ZNRF3: variants seen among roughly 807,000 people sequenced by gnomAD.
ZNRF3 encodes the protein E3 ubiquitin-protein ligase ZNRF3.
A neutral mutation model predicts 72.5 loss-of-function variants in ZNRF3; 23 were observed. The ratio of observed to expected loss-of-function variants is 0.32; its 90% CI spans 0.23 to 0.45. The LOEUF is 0.45. Ranked by LOEUF, ZNRF3 falls within the 20% of genes least tolerant of loss-of-function variation. The pLI, the probability that ZNRF3 is intolerant of heterozygous loss-of-function variation, is 1.00. For synonymous variants in ZNRF3, 610 were observed against 545.3 expected (o/e 1.12, Z -1.65); for missense variants, 1,169 against 1,272.1 (o/e 0.92, Z 1.23).
intron 1 of ZNRF3, among the ~76,000 whole-genome samples, chr22:28,982,086 G>A (rs1020070417): frequency 1.3e-4 from 20 of 152,268 alleles, no homozygotes; most frequent in African/African-American, 4.6e-4. Flanking sequence ...GCTCCCATGC[G>A]TGTTTCTTCT....
At chr22:28,981,812 C>T (rs528139766) in intron 1 of ZNRF3, among the ~76,000 whole-genome samples, 1 of 152,284 alleles carries the variant, frequency 6.6e-6, no homozygotes, top group Non-Finnish European at 1.5e-5. Flanking sequence ...GCCTGGCCAA[C>T]ATGGTGAAAC....
At chr22:28,965,174 T>G (rs577162611) in intron 1 of ZNRF3, among the ~76,000 whole-genome samples, 3 of 152,212 alleles carry the variant, frequency 2.0e-5, no homozygotes, top group African/African-American at 7.2e-5. Flanking sequence ...TCTTTCCATC[T>G]TTGTTGCATC....
At chr22:28,978,358 C>T (rs955272931) in intron 1 of ZNRF3, among the ~76,000 whole-genome samples, 7 of 152,084 alleles carry the variant, frequency 4.6e-5, no homozygotes, top group African/African-American at 1.4e-4. Context: ...TTTTTGGTTG[C>T]GAAGGGTGGT....
chr22:29,009,453 C>G (rs75698199), intron 2 of ZNRF3, among the ~76,000 whole-genome samples: 17 of 151,800 alleles, frequency 1.1e-4, no homozygotes, highest in Non-Finnish European at 2.5e-4. Context: ...AAAATAAATT[C>G]AAAAAAAGAG....
intron 1 of ZNRF3, among the ~76,000 whole-genome samples, chr22:28,896,928 T>G (rs1012955279): frequency 4.6e-5 from 7 of 152,016 alleles, no homozygotes; most frequent in Admixed American, 3.9e-4. Flanking sequence ...TCTCTTTTGG[T>G]TTTTCTTTTT....
At chr22:28,910,092 GT>G (rs2034289220) in intron 1 of ZNRF3, among the ~76,000 whole-genome samples, 1 of 151,444 alleles carries the variant, frequency 6.6e-6, no homozygotes, top group Admixed American at 6.6e-5. Context: ...CTGAGATGCA[GT>G]GGTGCAATCT....
chr22:28,966,889 T>TTG (rs1555975724), intron 1 of ZNRF3, among the ~76,000 whole-genome samples: 1 of 147,414 alleles, frequency 6.8e-6, no homozygotes, highest in African/African-American at 2.5e-5. Context: ...TTTTTTTTTT[T>TTG]GAGATGGAGT....
intron 1 of ZNRF3, among the ~76,000 whole-genome samples, chr22:28,984,713 A>G (rs2035823221): frequency 6.6e-6 from 1 of 152,170 alleles, no homozygotes; most frequent in African/African-American, 2.4e-5. Context: ...TGAGCTGTTG[A>G]CATAATTGGC....
intron 1 of ZNRF3, among the ~76,000 whole-genome samples, chr22:28,964,132 G>A (rs73882416): frequency 0.01 from 1,573 of 152,214 alleles, 28 homozygotes; most frequent in African/African-American, 0.037. Flanking sequence ...GGATGGACAG[G>A]TTTTTTCAGT....
rs551693347 is a variant in ZNRF3, at chr22:28,946,011, C to T, written c.301-41065C>T. On this transcript the variant is annotated intron_variant, in intron 1 of 8. Coordinates refer to ENST00000544604, the MANE Select transcript of ZNRF3 (RefSeq NM_001206998.2). ...ATCTGAAAATCTGAAATTTGAAATG[C>T]TTCAAAATCTGAAACTGTTTGAGTG... 3.3e-5 allele frequency among the ~76,000 whole-genome samples: 5 copies of T among 152,182 alleles called. 1 individual carries two copies. Among genetic ancestry groups the T allele is most frequent in the Admixed American group, 2.6e-4 (4 of 15,286 alleles).
chr22:28,926,482 C>CT (rs781139211), intron 1 of ZNRF3, among the ~76,000 whole-genome samples: 6,436 of 136,796 alleles, frequency 0.047, 190 homozygotes, highest in African/African-American at 0.079. Flanking sequence ...CCCTGCCTGG[C>CT]TTTTTTTTTT....
chr22:29,024,299 C>CTTTTTT (rs1189866855), intron 2 of ZNRF3, among the ~76,000 whole-genome samples: 1 of 63,582 alleles, frequency 1.6e-5, no homozygotes, highest in African/African-American at 4.8e-5. Context: ...TTTTTTTTTG[C>CTTTTTT]TTTCAATTTT....
chr22:28,904,615 CTCTTT>C (rs1324765838), intron 1 of ZNRF3, among the ~76,000 whole-genome samples: 2 of 152,308 alleles, frequency 1.3e-5, no homozygotes, highest in Non-Finnish European at 2.9e-5. Flanking sequence ...CTCTCTCTCT[CTCTTT>C]TAACTGGAGC....
chr22:29,000,773 A>AG (rs2036127484), intron 2 of ZNRF3, among the ~76,000 whole-genome samples: 1 of 152,088 alleles, frequency 6.6e-6, no homozygotes, highest in Non-Finnish European at 1.5e-5. Context: ...CAGAAGGCAA[A>AG]GGGGGAGCTG....
intron 1 of ZNRF3, among the ~76,000 whole-genome samples, chr22:28,984,737 T>G (rs2035823929): frequency 6.6e-6 from 1 of 152,218 alleles, no homozygotes; most frequent in African/African-American, 2.4e-5. Flanking sequence ...TCCCTCTTGC[T>G]CATCCTTTTT....
intron 2 of ZNRF3, among the ~76,000 whole-genome samples, chr22:29,041,739 C>T (rs2036965897): frequency 6.6e-6 from 1 of 152,152 alleles, no homozygotes; most frequent in African/African-American, 2.4e-5. Context: ...ACCCCATTTA[C>T]AATTATTTTT....
chr22:28,903,461 C>G (rs2034147389), intron 1 of ZNRF3, among the ~76,000 whole-genome samples: 1 of 152,200 alleles, frequency 6.6e-6, no homozygotes. Flanking sequence ...TGGTTTGATC[C>G]AGCGTGTGAT....
At chr22:28,912,450 C>CGGGGATCAA (rs1209914953) in intron 1 of ZNRF3, among the ~76,000 whole-genome samples, 1 of 151,948 alleles carries the variant, frequency 6.6e-6, no homozygotes, top group Non-Finnish European at 1.5e-5. Context: ...GGATTACATC[C>CGGGGATCAA]GGGGATCAAG....
intron 2 of ZNRF3, among the ~76,000 whole-genome samples, chr22:29,015,497 CT>C (rs2036415269): frequency 6.6e-6 from 1 of 152,018 alleles, no homozygotes; most frequent in Admixed American, 6.6e-5. Flanking sequence ...TGGCGAAACC[CT>C]GTCTCTACTA....
Sources: allele counts gnomAD v4.1 joint callset (sites outside exome capture counted in the v4.1 genomes callset), GRCh38; gene constraint gnomAD v4.1.1; transcripts MANE v1.5; gene names NCBI Gene and HGNC (gene_info 2026-07-23, HGNC 2026-07-21).